MTCL2: variants seen among roughly 807,000 people sequenced by gnomAD.
MTCL2 encodes the protein microtubule crosslinking factor 2.
At chr20:36,834,525 C>T in the MTCL2 span, among the ~76,000 whole-genome samples, 1 of 152,212 alleles carries the variant, frequency 6.6e-6, no homozygotes, top group South Asian at 2.1e-4. Context: ...ATGTTGTGAA[C>T]AAGCCCTCCT....
the MTCL2 span, among the ~76,000 whole-genome samples, chr20:36,806,414 G>T: frequency 6.6e-6 from 1 of 152,150 alleles, no homozygotes; most frequent in Non-Finnish European, 1.5e-5. Flanking sequence ...GGGATTACAG[G>T]CGCGAGCCAC....
the MTCL2 span, among the ~76,000 whole-genome samples, chr20:36,813,003 C>A: frequency 6.6e-6 from 1 of 152,200 alleles, no homozygotes. Context: ...GCAACCCAGA[C>A]CCAGCCCCAG....
At chr20:36,836,341 ATTTTTTTTTT>A in the MTCL2 span, among the ~76,000 whole-genome samples, 3 of 85,448 alleles carry the variant, frequency 3.5e-5, no homozygotes, top group Admixed American at 1.3e-4. Flanking sequence ...CGCCCAGCTA[ATTTTTTTTTT>A]TTTTTTTTTT....
At chr20:36,863,127 T>C in the MTCL2 span, 1 of 1,396,324 alleles carries the variant, frequency 7.2e-7, no homozygotes, top group Non-Finnish European at 9.3e-7. The surrounding 1 kb of genome is among the most constrained non-coding windows in gnomAD (Gnocchi z 6.2). Flanking sequence ...TGCGCGCCCC[T>C]TCTTGTCCGG....
the MTCL2 span, among the ~76,000 whole-genome samples, chr20:36,841,913 G>GTT: frequency 6.6e-6 from 1 of 150,740 alleles, no homozygotes; most frequent in African/African-American, 2.4e-5. Flanking sequence ...GTGTGTGTGT[G>GTT]TGTGTATACA....
the MTCL2 span, among the ~76,000 whole-genome samples, chr20:36,789,552 T>C: frequency 8.6e-5 from 13 of 151,906 alleles, no homozygotes; most frequent in African/African-American, 3.1e-4. Flanking sequence ...TCCCAGCTAC[T>C]TGGTTGGGAA....
chr20:36,809,745 T>A, the MTCL2 span, among the ~76,000 whole-genome samples: 1 of 152,036 alleles, frequency 6.6e-6, no homozygotes, highest in African/African-American at 2.4e-5. Context: ...CTGGCTAATT[T>A]TTGTATTTTT....
chr20:36,815,142 A>T, the MTCL2 span: 1 of 1,595,778 alleles, frequency 6.3e-7, no homozygotes, highest in Non-Finnish European at 8.5e-7. The surrounding 1 kb of genome is among the most constrained non-coding windows in gnomAD (Gnocchi z 5.3). Flanking sequence ...GTCTGAGCCA[A>T]GGTCTTTTGC....
chr20:36,845,648 G>A, the MTCL2 span, among the ~76,000 whole-genome samples: 9 of 152,336 alleles, frequency 5.9e-5, no homozygotes, highest in East Asian at 1.9e-4. Context: ...TGGGCTTTCC[G>A]GGCCCGAGGT....
At chr20:36,813,080 G>A in the MTCL2 span, among the ~76,000 whole-genome samples, 1 of 152,200 alleles carries the variant, frequency 6.6e-6, no homozygotes, top group Non-Finnish European at 1.5e-5. Context: ...AGTGCGAAGT[G>A]ATTTTCTGAA....
chr20:36,829,308 C>G, the MTCL2 span: 3 of 1,280,116 alleles, frequency 2.3e-6, no homozygotes, highest in Non-Finnish European at 3.2e-6. Context: ...CAGGGCAACC[C>G]TAGAGACAGG....
At chr20:36,855,756 CA>C in the MTCL2 span, among the ~76,000 whole-genome samples, 4,588 of 152,312 alleles carry the variant, frequency 0.03, 116 homozygotes, top group Non-Finnish European at 0.054. Context: ...CCAAGTGCCC[CA>C]CTAGAAAGGA....
chr20:36,849,400 G>A, the MTCL2 span, among the ~76,000 whole-genome samples: 2 of 151,924 alleles, frequency 1.3e-5, no homozygotes, highest in African/African-American at 4.8e-5. Flanking sequence ...AAATACAGGC[G>A]GGAGAAGCAG....
the MTCL2 span, chr20:36,784,779 G>T: frequency 1.0e-6 from 1 of 985,684 alleles, no homozygotes. Flanking sequence ...GCCGTGAAAG[G>T]CCATAAGGCT....
At chr20:36,847,487 A>T in the MTCL2 span, among the ~76,000 whole-genome samples, 1 of 152,284 alleles carries the variant, frequency 6.6e-6, no homozygotes, top group African/African-American at 2.4e-5. Flanking sequence ...TCTAGTCCTC[A>T]GCATCACCCA....
At chr20:36,858,311 AACACACACAC>A in the MTCL2 span, among the ~76,000 whole-genome samples, 54 of 31,828 alleles carry the variant, frequency 1.7e-3, 1 homozygote, top group South Asian at 4.1e-3. Flanking sequence ...AAGGAGGGAA[AACACACACAC>A]ACACACACAC....
chr20:36,815,323 T>C, the MTCL2 span: 22 of 1,613,760 alleles, frequency 1.4e-5, 1 homozygote, highest in South Asian at 2.4e-4. This position sits in a 1 kb window ranked among gnomAD's most constrained non-coding sequence, Gnocchi z 5.3. Flanking sequence ...ATGAGCTTGG[T>C]GTCCCTGGGG....
chr20:36,862,974 G>T, the MTCL2 span: 1 of 1,408,002 alleles, frequency 7.1e-7, no homozygotes. Flanking sequence ...CGCGCAGTCC[G>T]ACACCTCCGA....
chr20:36,815,356 C>G, the MTCL2 span: 5 of 1,613,760 alleles, frequency 3.1e-6, no homozygotes, highest in East Asian at 8.9e-5. This position sits in a 1 kb window ranked among gnomAD's most constrained non-coding sequence, Gnocchi z 5.3. Flanking sequence ...TCGGGGGCCT[C>G]ATGCAGCCGG....
Sources: gnomAD v4.1 joint callset for allele counts (sites outside exome capture counted in the v4.1 genomes callset) on GRCh38, gnomAD v4.1.1 for gene constraint, Gnocchi (gnomAD v3.1) non-coding constraint, MANE v1.5 for transcripts, NCBI Gene and HGNC (gene_info 2026-07-23, HGNC 2026-07-21) for gene names.